Variants in ACSF3 observed in about 807,000 individuals in gnomAD.
ACSF3 encodes the protein acyl-CoA synthetase family member 3.
In ACSF3, 78 loss-of-function variants were observed where a neutral mutation model predicts 53.2. That is an observed-to-expected ratio of 1.47 (90% confidence interval 1.22 to 1.77). ACSF3 has a LOEUF of 1.77. Among genes scored for constraint, ACSF3 ranks in the 40% most tolerant of loss-of-function variants. ACSF3 has a pLI of 0.00. For missense variants in ACSF3, 937 were observed against 771.1 expected (o/e 1.22, Z -2.55); for synonymous variants, 414 against 333.1 (o/e 1.24, Z -2.65).
chr16:89,098,534 C>A (rs1974891009), intron 1 of ACSF3, 57 bp from the exon 2 acceptor site: 3 of 403,200 alleles, frequency 7.4e-6, no homozygotes, highest in Admixed American at 2.6e-5. Flanking sequence ...GAGTGTTGTG[C>A]CTGTGGGAAG....
At position 89,133,130 on chromosome 16, in the gene ACSF3, C is replaced by T; in HGVS notation, c.1240-6C>T. 6.2e-7 allele frequency: 1 copy of T among 1,613,636 alleles called. No individual in the cohort carries two copies. Among genetic ancestry groups the T allele is most frequent in the Non-Finnish European group, 8.5e-7 (1 of 1,180,002 alleles). ...CTCTGACCTCCATGTTCTTCATCCT[C>T]CACAGGTGACCCCAGGGTTTGAAGA... On this transcript the variant is annotated splice_polypyrimidine_tract_variant and splice_region_variant and intron_variant, in intron 7 of 10. Coordinates refer to ENST00000614302, the MANE Select transcript of ACSF3 (RefSeq NM_001243279.3).
chr16:89,136,725 C>G (rs1910561066), intron 8 of ACSF3: 4 of 1,287,302 alleles, frequency 3.1e-6, no homozygotes, highest in Non-Finnish European at 4.0e-6. Context: ...CCTCCCCCAC[C>G]TGCCTCTGTG....
intron 2 of ACSF3, among the ~76,000 whole-genome samples, chr16:89,099,159 C>T (rs1974962587): frequency 6.6e-6 from 1 of 152,234 alleles, no homozygotes; most frequent in African/African-American, 2.4e-5. Context: ...CTCTGGAATG[C>T]GGGGGCTGTG....
chr16:89,139,541 C>T (rs1911314796), intron 8 of ACSF3, among the ~76,000 whole-genome samples: 1 of 151,584 alleles, frequency 6.6e-6, no homozygotes, highest in South Asian at 2.1e-4. Flanking sequence ...TTGCTGCTGC[C>T]ACAGCCGTGC....
At chr16:89,144,019 C>T (rs751121304) in intron 8 of ACSF3, among the ~76,000 whole-genome samples, 19 of 152,238 alleles carry the variant, frequency 1.2e-4, no homozygotes, top group Admixed American at 2.6e-4. Flanking sequence ...CTTACATGCC[C>T]TGCATGCTCC....
At position 89,154,781 on chromosome 16, in the gene ACSF3, C is replaced by G. The variant is rs1239701529; in HGVS notation, c.*574C>G. ...GTGCTGCTCTTGGAGGAGAGCAGCTCCCACTGTGGGGACACCTGCCACCCT... is the reference window on the plus strand; with the variant it reads ...GTGCTGCTCTTGGAGGAGAGCAGCTGCCACTGTGGGGACACCTGCCACCCT... On this transcript the variant is annotated 3_prime_UTR_variant, in exon 11 of 11. Transcript: ENST00000614302. 4.4e-6 allele frequency: 2 copies of G among 454,002 alleles called. No homozygotes were observed. The highest frequency in any genetic ancestry group is 4.0e-5 in the African/African-American group (2 of 49,992). 28.1% of individuals were successfully genotyped at this position (454,002 alleles called of 1,614,324 possible).
At chr16:89,099,169 G>T (rs1183263858) in intron 2 of ACSF3, among the ~76,000 whole-genome samples, 1 of 152,260 alleles carries the variant, frequency 6.6e-6, no homozygotes, top group Non-Finnish European at 1.5e-5. Context: ...CGGGGGCTGT[G>T]CCCCTGGCCT....
chr16:89,098,545 C>A, intron 1 of ACSF3, 46 bp from the exon 2 acceptor site: 1 of 418,032 alleles, frequency 2.4e-6, no homozygotes, highest in Non-Finnish European at 4.9e-6. Context: ...CTGTGGGAAG[C>A]GTTATACACA....
chr16:89,139,442 C>G lies in ACSF3; in HGVS notation c.1367-5825C>G, dbSNP rs112564545. On this transcript the variant is annotated intron_variant, in intron 8 of 10. Transcript: ENST00000614302. ...AGACTTGCGTGTCTCTCCGGGTCTT[C>G]GTTCTGCCCTCAGCCTTGCTTGTCG... is the stretch of plus-strand genomic sequence containing the variant. Among the ~76,000 whole-genome samples the G allele has an allele frequency of 3.0e-3, 457 of 152,184 alleles. 1 individual carries two copies. The highest frequency in any genetic ancestry group is 0.01 in the African/African-American group (430 of 41,496).
chr16:89,135,613 C>T (rs966205350), intron 8 of ACSF3, among the ~76,000 whole-genome samples: 1 of 152,220 alleles, frequency 6.6e-6, no homozygotes, highest in Non-Finnish European at 1.5e-5. Context: ...TTTTATACAT[C>T]CCCATTAGCG....
intron 1 of ACSF3, among the ~76,000 whole-genome samples, chr16:89,097,011 G>A (rs144528511): frequency 5.9e-5 from 9 of 152,376 alleles, no homozygotes; most frequent in Middle Eastern, 3.4e-3. Context: ...AGCTGTGCAC[G>A]TCAGCATCAC....
chr16:89,116,773 C>T (rs1051147096), intron 6 of ACSF3, among the ~76,000 whole-genome samples: 1 of 152,172 alleles, frequency 6.6e-6, no homozygotes, highest in African/African-American at 2.4e-5. Flanking sequence ...GGCCCCTGCC[C>T]TGGGCCGGCT....
rs57609335 is a variant in ACSF3, at chr16:89,156,004, G to A, written c.*1797G>A. Among the ~76,000 whole-genome samples the A allele has an allele frequency of 2.0e-5, 3 of 152,022 alleles. No individual in the cohort carries two copies. Among genetic ancestry groups the A allele is most frequent in the African/African-American group, 4.8e-5 (2 of 41,400 alleles). ...AAAGCCTGGAGCTCGTTGACCAGCC[G>A]GTTGACCAGAATACGGTGCTCCAAG... On this transcript the variant is annotated 3_prime_UTR_variant, in exon 11 of 11. Coordinates refer to ENST00000614302, the MANE Select transcript of ACSF3 (RefSeq NM_001243279.3).
intron 8 of ACSF3, chr16:89,136,465 C>T (rs1177274582): frequency 3.4e-6 from 4 of 1,182,228 alleles, no homozygotes; most frequent in South Asian, 3.0e-5. Context: ...AGCCTGCAAT[C>T]AGCTCACAGC....
At chr16:89,144,101 ACGCT>A (rs1409932710) in intron 8 of ACSF3, among the ~76,000 whole-genome samples, 1 of 152,166 alleles carries the variant, frequency 6.6e-6, no homozygotes, top group Non-Finnish European at 1.5e-5. Flanking sequence ...AGCTGCACAC[ACGCT>A]CGCAGGCACG....
At chr16:89,121,996 A>G (rs1906764365) in intron 7 of ACSF3, among the ~76,000 whole-genome samples, 1 of 151,910 alleles carries the variant, frequency 6.6e-6, no homozygotes, top group Non-Finnish European at 1.5e-5. Flanking sequence ...GGCCCCCCGC[A>G]GTGGGCTGTT....
rs748802669 is a variant in ACSF3 at position 89,145,959 on chromosome 16, C to G, written c.1523C>G (p.Pro508Arg). 1 of 1,600,930 alleles carries G rather than the reference C, an allele frequency of 6.2e-7. No homozygotes were observed. The highest frequency in any genetic ancestry group is 1.7e-5 in the Admixed American group (1 of 59,522). Reference protein sequence around the residue: ...SITDVAVIGVPDMTWGQRVTA... With the variant: ...SITDVAVIGVRDMTWGQRVTA... ...GCAGATGTGGCTGTGATTGGAGTTC[C>G]GGATATGACATGGGGCCAGCGGGTC... The change falls in exon 10 of 11, where the codon CCG becomes CGG. Residue 508 changes from proline (P) to arginine (R), a missense_variant. Pro to Arg is a moderately radical substitution (Grantham distance 103). Coordinates refer to ENST00000614302, the MANE Select transcript of ACSF3 (RefSeq NM_001243279.3).
chr16:89,101,434 C>T, intron 3 of ACSF3, 87 bp downstream of exon 3: 1 of 1,543,704 alleles, frequency 6.5e-7, no homozygotes. Context: ...TTTTCATTCG[C>T]TTTTCTGTGG....
In ACSF3 at chr16:89,135,264, G is replaced by A. The variant is rs192860424; in HGVS notation, c.1366+2002G>A. Among the ~76,000 whole-genome samples the A allele has an allele frequency of 1.2e-4, 18 of 152,364 alleles. No homozygotes were observed. The East Asian group carries it at 1.7e-3, about 15-fold the overall frequency. On this transcript the variant is annotated intron_variant, in intron 8 of 10. Coordinates refer to ENST00000614302, the MANE Select transcript of ACSF3 (RefSeq NM_001243279.3). ...GAGCGGGGGGCTGCAGCGTGCAGGCGGGATGGGCTCCTTGAGGGATGCTGG... is the reference window on the plus strand; with the variant it reads ...GAGCGGGGGGCTGCAGCGTGCAGGCAGGATGGGCTCCTTGAGGGATGCTGG...
Sources: gnomAD v4.1 joint callset for allele counts (sites outside exome capture counted in the v4.1 genomes callset) on GRCh38, gnomAD v4.1.1 for gene constraint, MANE v1.5 for transcripts, NCBI Gene and HGNC (gene_info 2026-07-23, HGNC 2026-07-21) for gene names.